The following PHACTR2 variants were observed in gnomAD, a reference collection of about 807,000 sequenced individuals.
The protein encoded by PHACTR2 is phosphatase and actin regulator 2.
In PHACTR2, 30 loss-of-function variants were observed where a neutral mutation model predicts 76.0. The ratio of observed to expected loss-of-function variants is 0.39; its 90% CI spans 0.30 to 0.54. PHACTR2 has a LOEUF of 0.54. PHACTR2 is among the 20% of genes least tolerant of loss of function. The pLI is 0.61. For synonymous variants in PHACTR2, 292 were observed against 292.5 expected (o/e 1.00, Z 0.02); for missense variants, 696 against 781.1 (o/e 0.89, Z 1.30).
intron 1 of PHACTR2, among the ~76,000 whole-genome samples, chr6:143,705,161 C>T (rs565883902): frequency 2.0e-5 from 3 of 152,004 alleles, no homozygotes; most frequent in East Asian, 1.9e-4. Flanking sequence ...CTCTGTAGCC[C>T]AGGCTGGAGT....
At position 143,678,362 on chromosome 6, in the gene PHACTR2, T is replaced by A. The variant is rs1365662825; in HGVS notation, c.46+153T>A. 6.6e-6 allele frequency among the ~76,000 whole-genome samples: 1 copy of A among 152,274 alleles called. No homozygotes were observed. Among genetic ancestry groups the A allele is most frequent in the Non-Finnish European group, 1.5e-5 (1 of 68,010 alleles). ...CCCAGAGGTAGCGCTCGCCAAACTC[T>A]TTGTCGTGAAAGAGGAATGCCTTTT... On this transcript the variant is annotated intron_variant, in intron 1 of 12. Transcript: ENST00000440869. The surrounding 1 kb of genome is among the most constrained non-coding windows in gnomAD (Gnocchi z 6.2).
At position 143,787,209 on chromosome 6, in the gene PHACTR2, C is replaced by T. The variant is rs1373066088; in HGVS notation, c.1708-1564C>T. Among the ~76,000 whole-genome samples, 2 of 152,242 alleles carry T rather than the reference C, an allele frequency of 1.3e-5. No homozygotes were observed. The highest frequency in any genetic ancestry group is 1.3e-4 in the Admixed American group (2 of 15,280). ...TCAGCCCGTAGCACTGGTAGCTACC[C>T]CATGACTGGGACAGTCCTGAGGACA... is the stretch of plus-strand genomic sequence containing the variant. On this transcript the variant is annotated intron_variant, in intron 10 of 12. Coordinates refer to ENST00000440869, the MANE Select transcript of PHACTR2 (RefSeq NM_001100164.2). This position sits in a 1 kb window ranked among gnomAD's most constrained non-coding sequence, Gnocchi z 4.6.
Position 143,772,583 on chromosome 6 carries a change from C to T in PHACTR2, c.1432+126C>T. ...GTTTTCTTTCCCCTCATCCTCCTTTCTCAAATTAGAAATGTGTATATCCTA... is the reference window on the plus strand; with the variant it reads ...GTTTTCTTTCCCCTCATCCTCCTTTTTCAAATTAGAAATGTGTATATCCTA... On this transcript the variant is annotated intron_variant, in intron 7 of 12. Coordinates refer to ENST00000440869, the MANE Select transcript of PHACTR2 (RefSeq NM_001100164.2). The surrounding 1 kb of genome is among the most constrained non-coding windows in gnomAD (Gnocchi z 5.4). The T allele has an allele frequency of 1.4e-6, 1 of 699,752 alleles. No individual in the cohort carries two copies. The highest frequency in any genetic ancestry group is 2.4e-6 in the Non-Finnish European group (1 of 411,656). 43.3% of individuals were successfully genotyped at this position (699,752 alleles called of 1,614,324 possible). A position where few individuals can be genotyped will look rare whatever the true frequency, so the allele number is the denominator to read the frequency against.
rs1220421747 is a variant in PHACTR2, at chr6:143,742,174, T to C, written c.215-6811T>C. Among the ~76,000 whole-genome samples, 1 of 149,890 alleles carries C rather than the reference T, an allele frequency of 6.7e-6. No homozygotes were observed. Among genetic ancestry groups the C allele is most frequent in the Non-Finnish European group, 1.5e-5 (1 of 67,412 alleles). On this transcript the variant is annotated intron_variant, in intron 2 of 12. Transcript: ENST00000440869. This position sits in a 1 kb window ranked among gnomAD's most constrained non-coding sequence, Gnocchi z 4.5. ...GTCAGGGCTCTTCACTGCTGATGAA[T>C]CATGACAAACTTAATGAAAGAGAGA...
intron 1 of PHACTR2, among the ~76,000 whole-genome samples, chr6:143,579,150 C>T (rs191862317): frequency 1.3e-5 from 2 of 152,296 alleles, no homozygotes; most frequent in East Asian, 1.9e-4. Context: ...GTGATCCCCC[C>T]ACCTTGGCCT....
chr6:143,723,724 C>A (rs1453968569), intron 2 of PHACTR2, among the ~76,000 whole-genome samples: 1 of 152,066 alleles, frequency 6.6e-6, no homozygotes, highest in East Asian at 1.9e-4. Context: ...AGAAGCAAGA[C>A]ACTGGGTCGG....
chr6:143,730,639 G>C lies in PHACTR2; in HGVS notation c.215-18346G>C, dbSNP rs780988210. Among the ~76,000 whole-genome samples the C allele has an allele frequency of 2.6e-5, 4 of 151,988 alleles. No homozygotes were observed. The highest frequency in any genetic ancestry group is 5.9e-5 in the Non-Finnish European group (4 of 68,000). ...TTTTCTTCCCTTTTTTCACCAGCTA[G>C]GACTTGTACTACAATAGTAAACAGC... On this transcript the variant is annotated intron_variant, in intron 2 of 12. Transcript: ENST00000440869. This position sits in a 1 kb window ranked among gnomAD's most constrained non-coding sequence, Gnocchi z 4.8.
intron 2 of PHACTR2, among the ~76,000 whole-genome samples, chr6:143,732,710 CA>C (rs1454717209): frequency 6.6e-6 from 1 of 152,026 alleles, no homozygotes; most frequent in African/African-American, 2.4e-5. Flanking sequence ...GAGGAACTGC[CA>C]AACTGTTTTT....
intron 1 of PHACTR2, among the ~76,000 whole-genome samples, chr6:143,568,396 G>A (rs564677865): frequency 6.6e-6 from 1 of 152,328 alleles, no homozygotes; most frequent in South Asian, 2.1e-4. Flanking sequence ...GAGGCAGTAA[G>A]CAAAGCTGTA....
At chr6:143,579,441 C>T (rs755934115) in intron 1 of PHACTR2, among the ~76,000 whole-genome samples, 24 of 152,096 alleles carry the variant, frequency 1.6e-4, no homozygotes, top group Non-Finnish European at 3.1e-4. Flanking sequence ...AACAACAAAA[C>T]ATCCCCCAAA....
rs1250304813 is a variant in PHACTR2, at chr6:143,678,128, C to G, written c.-36C>G. 3.2e-6 allele frequency: 5 copies of G among 1,545,938 alleles called. No individual in the cohort carries two copies. The East Asian group carries it at 1.2e-4, about 38-fold the overall frequency. On this transcript the variant is annotated 5_prime_UTR_variant, in exon 1 of 13. Transcript: ENST00000440869. The surrounding 1 kb of genome is among the most constrained non-coding windows in gnomAD (Gnocchi z 6.2). ...CCCATGATCGAAGGACCAAAGGAGC[C>G]GCTTGATCGCTGGACCTGGCCCTGC...
chr6:143,608,628 C>A lies in PHACTR2; in HGVS notation c.13+306C>A, dbSNP rs1775925113. 6.6e-6 allele frequency among the ~76,000 whole-genome samples: 1 copy of A among 152,158 alleles called. No individual in the cohort carries two copies. Among genetic ancestry groups the A allele is most frequent in the Admixed American group, 6.5e-5 (1 of 15,280 alleles). On this transcript the variant is annotated intron_variant, in intron 1 of 11. Coordinates refer to the PHACTR2 transcript ENST00000305766. This position sits in a 1 kb window ranked among gnomAD's most constrained non-coding sequence, Gnocchi z 4.6. ...CAGAGCGATGGGTGGAAAATGCATA[C>A]AGTTAGTGAAAAAACTATTACTAAG...
chr6:143,740,327 G>A (rs1030650908), intron 2 of PHACTR2, among the ~76,000 whole-genome samples: 1 of 151,998 alleles, frequency 6.6e-6, no homozygotes, highest in Admixed American at 6.6e-5. Context: ...TTTAAGACCT[G>A]TATCTTGTGT....
Position 143,671,171 on chromosome 6 carries a change from G to A in PHACTR2, c.14-40845G>A, listed in dbSNP as rs950992295. ...TCTTGAACTCCTGACATCATGATCC[G>A]CCTGCCTCAGCAGCCTCCCAAAGTG... is the stretch of plus-strand genomic sequence containing the variant. On this transcript the variant is annotated intron_variant, in intron 1 of 11. Coordinates refer to the PHACTR2 transcript ENST00000305766. The surrounding 1 kb of genome is among the most constrained non-coding windows in gnomAD (Gnocchi z 4.6). 5.3e-5 allele frequency among the ~76,000 whole-genome samples: 8 copies of A among 151,946 alleles called. No individual in the cohort carries two copies. Among genetic ancestry groups the A allele is most frequent in the Non-Finnish European group, 1.0e-4 (7 of 67,976 alleles).
intron 1 of PHACTR2, among the ~76,000 whole-genome samples, chr6:143,577,321 A>G (rs1325799193): frequency 2.0e-5 from 3 of 152,234 alleles, no homozygotes; most frequent in African/African-American, 4.8e-5. Flanking sequence ...GGTCATCAGT[A>G]TTTTAAAATA....
chr6:143,614,633 G>T (rs764038468), intron 1 of PHACTR2, among the ~76,000 whole-genome samples: 8 of 152,096 alleles, frequency 5.3e-5, no homozygotes, highest in Non-Finnish European at 8.8e-5. Flanking sequence ...ACATGTACAT[G>T]AATATGTACA....
In PHACTR2 at chr6:143,753,778, A is replaced by T; in HGVS notation, c.320A>T (p.Glu107Val). ...GATGGAGATGTAACAGTTAACTTTG[A>T]AAATTCAAACGGGCACATGATACCC... ...DQDGDVTVNF[E>V]NSNGHMIPIG... The change falls in exon 4 of 13, where the codon GAA (glutamate) becomes GTA (valine). Residue 107 changes from glutamate (E) to valine (V), a missense_variant. Transcript: ENST00000440869. This position sits in a 1 kb window ranked among gnomAD's most constrained non-coding sequence, Gnocchi z 4.6. The T allele has an allele frequency of 6.2e-7, 1 of 1,600,736 alleles. No homozygotes were observed. Among genetic ancestry groups the T allele is most frequent in the Non-Finnish European group, 8.5e-7 (1 of 1,176,378 alleles).
chr6:143,649,672 C>G (rs117606901), intron 1 of PHACTR2, among the ~76,000 whole-genome samples: 2,001 of 152,264 alleles, frequency 0.013, 19 homozygotes, highest in Middle Eastern at 0.027. Flanking sequence ...TCTTAATAAA[C>G]TAGGTATTGA....
chr6:143,568,511 C>G (rs1481141105), intron 1 of PHACTR2, among the ~76,000 whole-genome samples: 1 of 152,194 alleles, frequency 6.6e-6, no homozygotes, highest in African/African-American at 2.4e-5. Context: ...TCAGGCTGTG[C>G]TCCAGCTGCT....
Sources: gnomAD v4.1 joint callset for allele counts (sites outside exome capture counted in the v4.1 genomes callset) on GRCh38, gnomAD v4.1.1 for gene constraint, Gnocchi (gnomAD v3.1) non-coding constraint, MANE v1.5 for transcripts, NCBI Gene and HGNC (gene_info 2026-07-23, HGNC 2026-07-21) for gene names.